SARDH: variants seen among roughly 807,000 people sequenced by gnomAD.
SARDH encodes sarcosine dehydrogenase.
SARDH carries 95 observed loss-of-function variants against 109.1 expected under a neutral mutation model. That is an observed-to-expected ratio of 0.87 (90% CI 0.74 to 1.03). SARDH has a LOEUF of 1.03. Among genes scored for constraint, SARDH ranks in the 50% least tolerant of loss-of-function variants. The pLI is 0.00. For missense variants in SARDH, 1,267 were observed against 1,287.8 expected (o/e 0.98, Z 0.25); for synonymous variants, 572 against 534.8 (o/e 1.07, Z -0.96).
At chr9:133,667,542 T>C (rs2131316702) in intron 19 of SARDH, among the ~76,000 whole-genome samples, 1 of 151,140 alleles carries the variant, frequency 6.6e-6, no homozygotes, top group Admixed American at 6.6e-5. Flanking sequence ...ATGCTCACTG[T>C]AAAAGTTTTA....
chr9:133,687,980 G>A (rs1294222683), intron 16 of SARDH, among the ~76,000 whole-genome samples: 2 of 152,104 alleles, frequency 1.3e-5, no homozygotes, highest in East Asian at 3.9e-4. Context: ...CTTATAATGA[G>A]GCTGGGCGCA....
In SARDH at chr9:133,712,458, C is replaced by A. The variant is rs1479605283; in HGVS notation, c.1328+161G>T. On this transcript the variant is annotated intron_variant, in intron 10 of 20. Transcript: ENST00000439388. This position sits in a 1 kb window ranked among gnomAD's most constrained non-coding sequence, Gnocchi z 4.1. ...CTGCCCCCCAGCCACCCCCTCAGCACTGCCCACCTTCTGCTGGTGGCCTTC... is the reference window on the plus strand; with the variant it reads ...CTGCCCCCCAGCCACCCCCTCAGCAATGCCCACCTTCTGCTGGTGGCCTTC... Among the ~76,000 whole-genome samples the A allele has an allele frequency of 6.6e-6, 1 of 151,528 alleles. No homozygotes were observed. Among genetic ancestry groups the A allele is most frequent in the Non-Finnish European group, 1.5e-5 (1 of 67,860 alleles).
chr9:133,700,165 A>G (rs1485161880), intron 13 of SARDH, among the ~76,000 whole-genome samples: 1 of 152,140 alleles, frequency 6.6e-6, no homozygotes, highest in East Asian at 1.9e-4. Flanking sequence ...CGTCTCTATT[A>G]AAAATACAAA....
chr9:133,737,135 C>T (rs1832911084), intron 1 of SARDH, among the ~76,000 whole-genome samples: 1 of 152,246 alleles, frequency 6.6e-6, no homozygotes, highest in Admixed American at 6.5e-5. Flanking sequence ...CACTCTGTCC[C>T]ACCTGAACTG....
At chr9:133,684,209 C>T (rs565083625) in intron 17 of SARDH, among the ~76,000 whole-genome samples, 2 of 152,344 alleles carry the variant, frequency 1.3e-5, no homozygotes, top group African/African-American at 2.4e-5. Flanking sequence ...GCTGTCACGA[C>T]GGTGGGTGCC....
In SARDH at chr9:133,666,939, G is replaced by C. The variant is rs1250773345; in HGVS notation, c.2496-69C>G. 2 of 1,584,764 alleles carry C rather than the reference G, an allele frequency of 1.3e-6. No individual in the cohort carries two copies. On this transcript the variant is annotated intron_variant, in intron 19 of 20. Transcript: ENST00000439388. The surrounding 1 kb of genome is among the most constrained non-coding windows in gnomAD (Gnocchi z 5.2). ...GGTGGGGACGCGTCCACAGCGGCCT[G>C]GAGGAGAATGGGGGGCTGCATGATG...
chr9:133,723,155 C>T lies in SARDH; in HGVS notation c.916-4113G>A, dbSNP rs113390919. Among the ~76,000 whole-genome samples, 124 of 152,238 alleles carry T rather than the reference C, an allele frequency of 8.1e-4. 1 individual carries two copies. Among genetic ancestry groups the T allele is most frequent in the African/African-American group, 2.7e-3 (114 of 41,548 alleles). On this transcript the variant is annotated intron_variant, in intron 6 of 20. Coordinates refer to ENST00000439388, the MANE Select transcript of SARDH (RefSeq NM_001134707.2). ...AAGAAGACCTAAATAAATAGAAGGA[C>T]ATCTCACGTTCATGAAATGAAAGAC...
In SARDH at chr9:133,664,014, C is replaced by A; in HGVS notation, c.2632G>T (p.Val878Phe). Residue 878 changes from valine to phenylalanine, a missense_variant and splice_region_variant, in exon 21 of 21, where the codon GTC becomes TTC. Physicochemically the swap from Val to Phe is conservative, Grantham distance 50 (BLOSUM62 -1). Coordinates refer to ENST00000439388, the MANE Select transcript of SARDH (RefSeq NM_001134707.2). Reference sequence around the variant, plus strand: ...CCGCTCTTCACAAAGTCCAGCGAGACCTAGGAGCAGAGGTGGGGATGAGGA... The same window carrying A: ...CCGCTCTTCACAAAGTCCAGCGAGAACTAGGAGCAGAGGTGGGGATGAGGA... The part of the protein sequence containing the change: ...GYIHDPSGGP[V>F]SLDFVKSGDY... The A allele has an allele frequency of 6.2e-7, 1 of 1,613,978 alleles. No individual in the cohort carries two copies. Among genetic ancestry groups the A allele is most frequent in the Non-Finnish European group, 8.5e-7 (1 of 1,179,920 alleles).
At chr9:133,724,770 C>A (rs1358760347) in intron 6 of SARDH, among the ~76,000 whole-genome samples, 1 of 151,890 alleles carries the variant, frequency 6.6e-6, no homozygotes, top group African/African-American at 2.4e-5. Context: ...TGTTGAGCAT[C>A]CCCAAACCAA....
At chr9:133,734,440 CTCAT>C (rs3081200) in intron 1 of SARDH, among the ~76,000 whole-genome samples, 2,688 of 102,038 alleles carry the variant, frequency 0.026, 43 homozygotes, top group Non-Finnish European at 0.036. Flanking sequence ...CATTCATTCA[CTCAT>C]TCATTCATTC....
intron 13 of SARDH, among the ~76,000 whole-genome samples, chr9:133,698,591 G>A (rs971411116): frequency 3.3e-5 from 5 of 152,170 alleles, no homozygotes; most frequent in Non-Finnish European, 7.3e-5. Context: ...ATAGATCAAC[G>A]GAATAGAATT....
intron 17 of SARDH, among the ~76,000 whole-genome samples, chr9:133,677,281 CA>C (rs1379079680): frequency 1.3e-5 from 2 of 150,862 alleles, no homozygotes; most frequent in Admixed American, 6.6e-5. Context: ...CCACATCCTC[CA>C]GGGGTGAGAG....
At chr9:133,665,170 C>T (rs917340930) in intron 20 of SARDH, among the ~76,000 whole-genome samples, 2 of 152,154 alleles carry the variant, frequency 1.3e-5, no homozygotes, top group Admixed American at 6.5e-5. Context: ...CTGGGTGCAT[C>T]GACTGGTTCC....
intron 6 of SARDH, among the ~76,000 whole-genome samples, chr9:133,726,128 C>G (rs1421841154): frequency 6.6e-6 from 1 of 151,978 alleles, no homozygotes; most frequent in Non-Finnish European, 1.5e-5. Context: ...AATCCCAGGA[C>G]TTTAGGAGTC....
Position 133,718,924 on chromosome 9 carries a change from C to T in SARDH, c.1020+14G>A. ...CCAACTCCCTCCCATTATCCCAGGG[C>T]CCTGGCATCTTACCTCCTCCCAAAA... On this transcript the variant is annotated intron_variant, in intron 7 of 20. Coordinates refer to ENST00000439388, the MANE Select transcript of SARDH (RefSeq NM_001134707.2). The surrounding 1 kb of genome is among the most constrained non-coding windows in gnomAD (Gnocchi z 4.2). 2 of 1,593,010 alleles carry T rather than the reference C, an allele frequency of 1.3e-6. No homozygotes were observed. Among genetic ancestry groups the T allele is most frequent in the Non-Finnish European group, 1.7e-6 (2 of 1,160,944 alleles).
chr9:133,704,917 C>A lies in SARDH; in HGVS notation c.1554+31G>T, dbSNP rs1485574554. The stretch of plus-strand genomic sequence containing the variant: ...AAGGGGGTTGTCAGGGCAGGGCCTC[C>A]CAGCAGCACAGCCCAGCAGGCACTA... On this transcript the variant is annotated intron_variant, in intron 12 of 20. Coordinates refer to ENST00000439388, the MANE Select transcript of SARDH (RefSeq NM_001134707.2). The surrounding 1 kb of genome is among the most constrained non-coding windows in gnomAD (Gnocchi z 4.5). 3 of 1,549,710 alleles carry A rather than the reference C, an allele frequency of 1.9e-6. No homozygotes were observed. The Admixed American group carries it at 5.8e-5, about 30-fold the overall frequency.
intron 14 of SARDH, 114 bp from the exon 15 acceptor site, chr9:133,694,485 AC>A: frequency 2.3e-6 from 2 of 861,344 alleles, no homozygotes; most frequent in Non-Finnish European, 3.8e-6. Flanking sequence ...AGGCTGGATA[AC>A]CCCCAGACAG....
chr9:133,708,973 C>A (rs996855089), intron 10 of SARDH, among the ~76,000 whole-genome samples: 2 of 152,174 alleles, frequency 1.3e-5, no homozygotes, highest in Non-Finnish European at 2.9e-5. Context: ...TCCCATCAGG[C>A]CTCCCCAAGT....
rs755222724 is a variant in SARDH at position 133,729,873 on chromosome 9, C to T, written c.815-8G>A. On this transcript the variant is annotated splice_region_variant and splice_polypyrimidine_tract_variant and intron_variant, in intron 5 of 20. Coordinates refer to ENST00000439388, the MANE Select transcript of SARDH (RefSeq NM_001134707.2). Reference sequence around the variant, plus strand: ...CAGCACTTGCCCACACTCCTGCGGGCAGAGCACAGACAGCTCAGCTCTGCT... The same window carrying T: ...CAGCACTTGCCCACACTCCTGCGGGTAGAGCACAGACAGCTCAGCTCTGCT... 1 of 1,611,012 alleles carries T rather than the reference C, an allele frequency of 6.2e-7. No individual in the cohort carries two copies. The highest frequency in any genetic ancestry group is 1.1e-5 in the South Asian group (1 of 91,016).
Sources: gnomAD v4.1 joint callset for allele counts (sites outside exome capture counted in the v4.1 genomes callset) on GRCh38, gnomAD v4.1.1 for gene constraint, Gnocchi (gnomAD v3.1) non-coding constraint, MANE v1.5 for transcripts, NCBI Gene and HGNC (gene_info 2026-07-23, HGNC 2026-07-21) for gene names.